Variants in CACHD1 observed in about 807,000 individuals in gnomAD.
The protein encoded by CACHD1 is cache domain containing 1.
Under a neutral mutation model 138.7 loss-of-function variants are expected in CACHD1, and 71 were observed. That is an observed-to-expected ratio of 0.51 (90% CI 0.42 to 0.62). The LOEUF (loss-of-function observed/expected upper bound fraction) is 0.62. Among genes scored for constraint, CACHD1 ranks in the 20% least tolerant of loss-of-function variants. The pLI, the probability that CACHD1 is intolerant of heterozygous loss-of-function variation, is 0.00. For missense variants in CACHD1, 1,389 were observed against 1,625.3 expected (o/e 0.85, Z 2.50); for synonymous variants, 578 against 591.5 (o/e 0.98, Z 0.33).
intron 7 of CACHD1, among the ~76,000 whole-genome samples, chr1:64,641,392 G>T (rs1462668516): frequency 1.3e-5 from 2 of 152,156 alleles, no homozygotes; most frequent in African/African-American, 2.4e-5. Flanking sequence ...GCCCGAAAGA[G>T]TCATCATTTT....
intron 1 of CACHD1, among the ~76,000 whole-genome samples, chr1:64,515,504 A>AG (rs1646452196): frequency 5.9e-5 from 9 of 152,178 alleles, no homozygotes; most frequent in Non-Finnish European, 1.3e-4. Context: ...ATCCTTGCAA[A>AG]TTCAAAGTAT....
At chr1:64,487,315 A>G (rs953989216) in intron 1 of CACHD1, among the ~76,000 whole-genome samples, 2 of 152,166 alleles carry the variant, frequency 1.3e-5, no homozygotes, top group Admixed American at 1.3e-4. Context: ...GAGTACATTC[A>G]GTAGAAGAGG....
At chr1:64,689,140 C>T (rs1298503391) in intron 26 of CACHD1, among the ~76,000 whole-genome samples, 1 of 152,186 alleles carries the variant, frequency 6.6e-6, no homozygotes, top group East Asian at 1.9e-4. Context: ...CAAGTACTAA[C>T]CAGGCCCGAC....
chr1:64,501,945 A>G (rs1332077575), intron 1 of CACHD1, among the ~76,000 whole-genome samples: 1 of 152,270 alleles, frequency 6.6e-6, no homozygotes, highest in East Asian at 1.9e-4. Context: ...CTCAGGTGTC[A>G]TTACTGAAAA....
intron 3 of CACHD1, among the ~76,000 whole-genome samples, chr1:64,594,356 A>G (rs1647133179): frequency 6.6e-6 from 1 of 151,868 alleles, no homozygotes; most frequent in Non-Finnish European, 1.5e-5. Flanking sequence ...TTTTAATGGT[A>G]CTCTGACCAG....
rs143202532 is a variant in CACHD1, at chr1:64,576,428, T to C, written c.262-5728T>C. Among the ~76,000 whole-genome samples the C allele has an allele frequency of 2.4e-3, 358 of 152,118 alleles. 2 individuals are homozygous for C. The highest frequency in any genetic ancestry group is 8.1e-3 in the African/African-American group (336 of 41,486). On this transcript the variant is annotated intron_variant, in intron 2 of 26. Transcript: ENST00000651257. ...CTGTGGGCTGTCTTTACTCTGAGGT[T>C]CTGTTATGCTTGCTGAGCAGCCTGG...
chr1:64,577,416 C>CA (rs527544766), intron 2 of CACHD1, among the ~76,000 whole-genome samples: 110 of 152,250 alleles, frequency 7.2e-4, no homozygotes, highest in African/African-American at 2.6e-3. Flanking sequence ...CCAAGCATTT[C>CA]ACAACATTTG....
In CACHD1 at chr1:64,502,581, G is replaced by A. The variant is rs559327676; in HGVS notation, c.198+31639G>A. Among the ~76,000 whole-genome samples, 25 of 150,902 alleles carry A rather than the reference G, an allele frequency of 1.7e-4. No individual in the cohort carries two copies. The East Asian group carries it at 4.6e-3, about 28-fold the overall frequency. On this transcript the variant is annotated intron_variant, in intron 1 of 26. Coordinates refer to ENST00000651257, the MANE Select transcript of CACHD1 (RefSeq NM_020925.4). ...ATGTGTGTGTGTGTGCATGTGTGTTGTTTTCAGATAATAGGTACAGCATAA... is the reference window on the plus strand; with the variant it reads ...ATGTGTGTGTGTGTGCATGTGTGTTATTTTCAGATAATAGGTACAGCATAA...
chr1:64,635,585 T>C (rs1475613380), intron 7 of CACHD1, among the ~76,000 whole-genome samples: 1 of 151,180 alleles, frequency 6.6e-6, no homozygotes, highest in African/African-American at 2.4e-5. Context: ...GGTTTCACCA[T>C]GTTGGTCAGG....
chr1:64,576,776 A>G (rs1182416185), intron 2 of CACHD1, among the ~76,000 whole-genome samples: 2 of 152,242 alleles, frequency 1.3e-5, no homozygotes, highest in African/African-American at 2.4e-5. Flanking sequence ...GAACAATACT[A>G]GCACTCTGTT....
intron 1 of CACHD1, among the ~76,000 whole-genome samples, chr1:64,540,934 A>G (rs966157797): frequency 4.6e-5 from 7 of 152,318 alleles, no homozygotes; most frequent in African/African-American, 1.4e-4. Flanking sequence ...TAAGGAATTC[A>G]TAATTTGAGT....
At chr1:64,574,679 A>G (rs1480560435) in intron 2 of CACHD1, among the ~76,000 whole-genome samples, 1 of 152,222 alleles carries the variant, frequency 6.6e-6, no homozygotes, top group Non-Finnish European at 1.5e-5. Flanking sequence ...GGCGCTTATA[A>G]TACATTGGAT....
chr1:64,510,417 G>A (rs1646411340), intron 1 of CACHD1, among the ~76,000 whole-genome samples: 1 of 152,150 alleles, frequency 6.6e-6, no homozygotes, highest in Non-Finnish European at 1.5e-5. Context: ...TGTTACCTGG[G>A]ACTTTGAGCA....
chr1:64,497,801 C>G (rs1369539081), intron 1 of CACHD1, among the ~76,000 whole-genome samples: 2 of 152,158 alleles, frequency 1.3e-5, no homozygotes, highest in Non-Finnish European at 2.9e-5. Context: ...TTTCCAGAGT[C>G]TTCCAACAGT....
At chr1:64,617,971 T>A (rs1331741219) in intron 4 of CACHD1, among the ~76,000 whole-genome samples, 1 of 151,976 alleles carries the variant, frequency 6.6e-6, no homozygotes, top group Non-Finnish European at 1.5e-5. Context: ...TCCCAGCTAC[T>A]CTGGAGGCTG....
rs1017427663 is a variant in CACHD1, at chr1:64,605,254, C to T, written c.517+2342C>T. On this transcript the variant is annotated intron_variant, in intron 4 of 26. Coordinates refer to ENST00000651257, the MANE Select transcript of CACHD1 (RefSeq NM_020925.4). Reference sequence around the variant, plus strand: ...TTCTGGGATTACAAGCATGAGCCACCGTGCCTACCAAGATTTAAGAATTAG... The same window carrying T: ...TTCTGGGATTACAAGCATGAGCCACTGTGCCTACCAAGATTTAAGAATTAG... 4.6e-5 allele frequency among the ~76,000 whole-genome samples: 7 copies of T among 152,138 alleles called. No individual in the cohort carries two copies. In the East Asian group the frequency reaches 5.8e-4, roughly 13 times the overall value.
In CACHD1 at chr1:64,565,257, A is replaced by C. The variant is rs553020646; in HGVS notation, c.261+14601A>C. 2.7e-5 allele frequency among the ~76,000 whole-genome samples: 4 copies of C among 146,778 alleles called. No homozygotes were observed. In the East Asian group the frequency reaches 8.2e-4, roughly 30 times the overall value. On this transcript the variant is annotated intron_variant, in intron 2 of 26. Coordinates refer to ENST00000651257, the MANE Select transcript of CACHD1 (RefSeq NM_020925.4). Reference sequence around the variant, plus strand: ...ATTTGTTCAGGTTGGGTCCTGGTTTAGTTCACCCTCTTACCCAGATCCACA... The same window carrying C: ...ATTTGTTCAGGTTGGGTCCTGGTTTCGTTCACCCTCTTACCCAGATCCACA...
At chr1:64,662,853 CATCT>C (rs1649487656) in intron 13 of CACHD1, among the ~76,000 whole-genome samples, 2 of 152,158 alleles carry the variant, frequency 1.3e-5, no homozygotes, top group Admixed American at 6.5e-5. Flanking sequence ...TTGCTGCCAC[CATCT>C]GAGTGAATAA....
intron 1 of CACHD1, among the ~76,000 whole-genome samples, chr1:64,483,225 C>T (rs1000728339): frequency 1.3e-5 from 2 of 152,166 alleles, no homozygotes; most frequent in South Asian, 2.1e-4. Flanking sequence ...AATATATTCA[C>T]CTAGAGAAAG....
Sources: gnomAD v4.1 joint callset for allele counts (sites outside exome capture counted in the v4.1 genomes callset) on GRCh38, gnomAD v4.1.1 for gene constraint, MANE v1.5 for transcripts, NCBI Gene and HGNC (gene_info 2026-07-23, HGNC 2026-07-21) for gene names.